RBMS3: variants seen among roughly 807,000 people sequenced by gnomAD.
RBMS3 encodes the protein RNA-binding motif, single-stranded-interacting protein 3.
In RBMS3, 27 loss-of-function variants were observed where a neutral mutation model predicts 66.8. The observed-to-expected ratio is 0.40, with a 90% CI of 0.30 to 0.56. RBMS3 has a LOEUF of 0.56. Among genes scored for constraint, RBMS3 ranks in the 20% least tolerant of loss-of-function variants. The pLI is 0.40. For missense variants in RBMS3, 513 were observed against 549.5 expected, an observed-to-expected ratio of 0.93 and a Z score of 0.66; for synonymous variants, 188 against 183.0, an observed-to-expected ratio of 1.03 and a Z score of -0.22.
intron 2 of RBMS3, among the ~76,000 whole-genome samples, chr3:29,451,682 T>G (rs2125761301): frequency 6.6e-6 from 1 of 152,284 alleles, no homozygotes; most frequent in African/African-American, 2.4e-5. Context: ...TGCTGTCACT[T>G]TTTTTCATCT....
At chr3:29,823,191 A>G (rs980673212) in intron 6 of RBMS3, among the ~76,000 whole-genome samples, 5 of 152,070 alleles carry the variant, frequency 3.3e-5, no homozygotes, top group Non-Finnish European at 7.4e-5. Context: ...ACACAGTCCT[A>G]TACCCCCCAC....
chr3:29,532,018 T>C (rs147907254), intron 3 of RBMS3, among the ~76,000 whole-genome samples: 1 of 151,860 alleles, frequency 6.6e-6, no homozygotes. Flanking sequence ...CCGTTCTAAG[T>C]CTTAGGAGGC....
chr3:29,468,707 C>T (rs1329655130), intron 2 of RBMS3, among the ~76,000 whole-genome samples: 1 of 151,918 alleles, frequency 6.6e-6, no homozygotes. Flanking sequence ...AATTGGCTTC[C>T]TTTTTCTTTT....
intron 3 of RBMS3, among the ~76,000 whole-genome samples, chr3:29,577,789 T>C (rs951792857): frequency 6.6e-6 from 1 of 152,118 alleles, no homozygotes; most frequent in African/African-American, 2.4e-5. Context: ...ACCTGTGGTG[T>C]TGGAGGGGTG....
chr3:29,698,959 TATA>T (rs2052409914), intron 4 of RBMS3, among the ~76,000 whole-genome samples: 1 of 152,170 alleles, frequency 6.6e-6, no homozygotes, highest in Non-Finnish European at 1.5e-5. Context: ...GGTGCTCCTT[TATA>T]ATAACAAATG....
chr3:29,611,996 C>T (rs553254483), intron 4 of RBMS3, among the ~76,000 whole-genome samples: 8 of 151,988 alleles, frequency 5.3e-5, no homozygotes, highest in South Asian at 4.2e-4. Flanking sequence ...TCTCACCCAC[C>T]GGCTGTGTGA....
intron 12 of RBMS3, among the ~76,000 whole-genome samples, chr3:29,968,299 T>A (rs1696987027): frequency 6.6e-6 from 1 of 152,194 alleles, no homozygotes. Flanking sequence ...GGGCTTTAGA[T>A]CTTCCCCTGC....
At chr3:29,324,993 C>A (rs1383975024) in intron 1 of RBMS3, among the ~76,000 whole-genome samples, 1 of 151,928 alleles carries the variant, frequency 6.6e-6, no homozygotes, top group Non-Finnish European at 1.5e-5. Context: ...AGAATACATG[C>A]ATATAATAAT....
At chr3:29,691,341 T>A (rs2051997368) in intron 4 of RBMS3, among the ~76,000 whole-genome samples, 1 of 152,228 alleles carries the variant, frequency 6.6e-6, no homozygotes, top group Non-Finnish European at 1.5e-5. Context: ...TCTCCCAGAA[T>A]ACTTACCCTT....
intron 6 of RBMS3, among the ~76,000 whole-genome samples, chr3:29,834,221 G>T (rs1308381146): frequency 1.3e-5 from 2 of 152,032 alleles, no homozygotes; most frequent in African/African-American, 4.8e-5. Flanking sequence ...CAAGCTGAAA[G>T]CATGTTAATT....
intron 12 of RBMS3, among the ~76,000 whole-genome samples, chr3:29,967,592 G>A (rs948873179): frequency 6.6e-6 from 1 of 152,138 alleles, no homozygotes; most frequent in Non-Finnish European, 1.5e-5. Flanking sequence ...ACTGTGCCCG[G>A]CCTGGACTTT....
intron 6 of RBMS3, among the ~76,000 whole-genome samples, chr3:29,772,863 A>T (rs899644297): frequency 1.3e-5 from 2 of 152,088 alleles, no homozygotes; most frequent in African/African-American, 2.4e-5. Context: ...ATAACTGCTC[A>T]TAAGCACATA....
At chr3:29,650,340 G>C (rs927510515) in intron 4 of RBMS3, among the ~76,000 whole-genome samples, 4 of 149,602 alleles carry the variant, frequency 2.7e-5, no homozygotes, top group African/African-American at 9.9e-5. Flanking sequence ...CTGGAGGCTG[G>C]AGTGCAGTGG....
At chr3:29,927,601 G>A (rs778998028) in intron 10 of RBMS3, among the ~76,000 whole-genome samples, 7 of 152,152 alleles carry the variant, frequency 4.6e-5, no homozygotes, top group Non-Finnish European at 8.8e-5. Context: ...TATTTGATAA[G>A]AATTTTAGAA....
At chr3:29,552,701 C>G (rs1172528411) in intron 3 of RBMS3, among the ~76,000 whole-genome samples, 1 of 152,134 alleles carries the variant, frequency 6.6e-6, no homozygotes, top group African/African-American at 2.4e-5. Flanking sequence ...TCACAATGCT[C>G]AACACCTCAG....
At chr3:29,299,591 T>A (rs1273010698) in intron 1 of RBMS3, among the ~76,000 whole-genome samples, 1 of 151,650 alleles carries the variant, frequency 6.6e-6, no homozygotes, top group Non-Finnish European at 1.5e-5. Flanking sequence ...TGAAAAAAAA[T>A]TAAAAATAAC....
At chr3:29,808,011 C>G (rs1310568263) in intron 6 of RBMS3, among the ~76,000 whole-genome samples, 1 of 151,814 alleles carries the variant, frequency 6.6e-6, no homozygotes, top group Non-Finnish European at 1.5e-5. Context: ...GCTGTGGTAA[C>G]CCACATACCA....
chr3:29,693,084 G>A (rs2052105213), intron 4 of RBMS3, among the ~76,000 whole-genome samples: 1 of 152,022 alleles, frequency 6.6e-6, no homozygotes, highest in Non-Finnish European at 1.5e-5. Context: ...TTTACATTGA[G>A]ACTAAAGTGG....
At chr3:29,394,981 C>G (rs1437431973) in intron 1 of RBMS3, among the ~76,000 whole-genome samples, 1 of 152,170 alleles carries the variant, frequency 6.6e-6, no homozygotes, top group Non-Finnish European at 1.5e-5. Flanking sequence ...CTCTGGCCAC[C>G]CCACTTAAAT....
Sources: allele counts gnomAD v4.1 joint callset (sites outside exome capture counted in the v4.1 genomes callset), GRCh38; gene constraint gnomAD v4.1.1; transcripts MANE v1.5; gene names NCBI Gene and HGNC (gene_info 2026-07-23, HGNC 2026-07-21).